The following CDC42BPA variants were observed in gnomAD, a reference collection of about 807,000 sequenced individuals.
CDC42BPA encodes the protein serine/threonine-protein kinase MRCK alpha.
In CDC42BPA, 80 loss-of-function variants were observed where a neutral mutation model predicts 223.5. The observed-to-expected ratio is 0.36, with a 90% CI of 0.30 to 0.43. CDC42BPA has a LOEUF of 0.43. CDC42BPA is among the 20% of genes least tolerant of loss of function. The pLI is 1.00. For missense variants in CDC42BPA, 1,743 were observed against 2,099.9 expected (o/e 0.83, Z 3.32); for synonymous variants, 694 against 718.6 (o/e 0.97, Z 0.55).
chr1:227,072,239 T>G lies in CDC42BPA; in HGVS notation c.2796A>C (p.Ile932=), dbSNP rs767196922. ...LELLSEIEQL[I]KDTEELRSEK... is the part of the protein sequence containing the mutation. ...CAGATCTAAGCTCTTCAGTGTCCTT[T>G]ATCAGCTGTTCGATTTCTGAGAGTA... The change falls in exon 20 of 37, where the codon ATA becomes ATC. Residue 932 remains isoleucine, a synonymous_variant. Transcript: ENST00000366766. 14 of 1,608,868 alleles carry G rather than the reference T, an allele frequency of 8.7e-6. No individual in the cohort carries two copies. In the African/African-American group the frequency reaches 1.7e-4, roughly 20 times the overall value.
intron 6 of CDC42BPA, among the ~76,000 whole-genome samples, chr1:227,148,777 A>AAG (rs1479993386): frequency 0.018 from 301 of 17,010 alleles, no homozygotes; most frequent in Non-Finnish European, 0.035. Context: ...AAAAGCAAAA[A>AAG]AAAAAAAAAA....
At chr1:227,265,461 A>G (rs1684828812) in intron 1 of CDC42BPA, among the ~76,000 whole-genome samples, 1 of 152,058 alleles carries the variant, frequency 6.6e-6, no homozygotes, top group Admixed American at 6.6e-5. Flanking sequence ...TAATCCCAGC[A>G]CTTTGGGAGG....
chr1:227,250,439 G>T (rs1681770175), intron 2 of CDC42BPA, among the ~76,000 whole-genome samples: 1 of 152,120 alleles, frequency 6.6e-6, no homozygotes, highest in Non-Finnish European at 1.5e-5. Context: ...AGTGAGCCAA[G>T]ATTGCACCAC....
At chr1:227,102,977 C>A (rs543226245) in intron 14 of CDC42BPA, among the ~76,000 whole-genome samples, 6 of 151,846 alleles carry the variant, frequency 4.0e-5, no homozygotes, top group East Asian at 1.9e-4. Context: ...ATAAAAAAAA[C>A]CAGTAATTCT....
At position 226,990,327 on chromosome 1, in the gene CDC42BPA, CAG is replaced by C. The variant is rs1660578018; in HGVS notation, c.*3939_*3940del. 6.6e-6 allele frequency: 1 copy of C among 152,238 alleles called. No individual in the cohort carries two copies. The highest frequency in any genetic ancestry group is 2.4e-5 in the African/African-American group (1 of 41,446). The allele number at this position is 152,238 out of a possible 1,614,324, so 9.4% of individuals were successfully genotyped here. ...CACGGTGTCCTGTGTGGGGAGGGCC[CAG>C]CGTGCTGCCAGTGCTGGGGGGCAGG... On this transcript the variant is annotated 3_prime_UTR_variant, in exon 37 of 37. Coordinates refer to ENST00000366766, the MANE Select transcript of CDC42BPA (RefSeq NM_001394014.1).
At chr1:227,229,044 T>G (rs1198368040) in intron 2 of CDC42BPA, among the ~76,000 whole-genome samples, 1 of 152,196 alleles carries the variant, frequency 6.6e-6, no homozygotes, top group African/African-American at 2.4e-5. Context: ...TATTTTTTGT[T>G]TTTTCTTTGA....
In CDC42BPA at chr1:227,317,511, TAAAAA is replaced by T. The variant is rs35451914; in HGVS notation, c.-334_-330del. 6.9e-4 allele frequency: 262 copies of T among 379,858 alleles called. No individual in the cohort carries two copies. Among genetic ancestry groups the T allele is most frequent in the African/African-American group, 1.9e-3 (86 of 45,548 alleles). The allele number at this position is 379,858 out of a possible 1,614,324, so 23.5% of individuals were successfully genotyped here. ...ACGAACTAGAGAGTCAACACTTCTT[TAAAAA>T]AAAAAAAAAAAACTCTTCTCCTTCA... is the stretch of plus-strand genomic sequence containing the variant. On this transcript the variant is annotated 5_prime_UTR_variant, in exon 1 of 37. It removes the in-frame stop codon of an upstream open reading frame in the 5' UTR. Coordinates refer to ENST00000366766, the MANE Select transcript of CDC42BPA (RefSeq NM_001394014.1).
At position 227,001,167 on chromosome 1, in the gene CDC42BPA, T is replaced by G. The variant is rs1338322629; in HGVS notation, c.4975+3827A>C. On this transcript the variant is annotated intron_variant, in intron 35 of 36. Coordinates refer to ENST00000366766, the MANE Select transcript of CDC42BPA (RefSeq NM_001394014.1). ...GTCTGGCTGTGGAAGATCCTGTGCT[T>G]CTTGCTGTAGAGACTGAACATAGTT... Among the ~76,000 whole-genome samples the G allele has an allele frequency of 3.3e-5, 5 of 152,316 alleles. No individual in the cohort carries two copies. The East Asian group carries it at 9.6e-4, about 29-fold the overall frequency.
At chr1:227,198,274 G>A (rs1671079751) in intron 4 of CDC42BPA, among the ~76,000 whole-genome samples, 1 of 151,576 alleles carries the variant, frequency 6.6e-6, no homozygotes, top group African/African-American at 2.4e-5. Context: ...AACAAACTGA[G>A]ACCCCATCTT....
chr1:227,240,638 T>C (rs1031734052), intron 2 of CDC42BPA, among the ~76,000 whole-genome samples: 2 of 150,208 alleles, frequency 1.3e-5, no homozygotes, highest in African/African-American at 4.9e-5. Flanking sequence ...AATGACTTAA[T>C]AAAGGGAAAA....
chr1:227,253,647 CATTCATACATAA>C lies in CDC42BPA; in HGVS notation c.270+405_270+416del, dbSNP rs1270349762. Among the ~76,000 whole-genome samples the C allele has an allele frequency of 5.8e-3, 659 of 114,128 alleles. 5 individuals are homozygous for C. Among genetic ancestry groups the C allele is most frequent in the African/African-American group, 0.023 (633 of 27,602 alleles). 74.9% of individuals were successfully genotyped at this position (114,128 alleles called of 152,430 possible). ...ACATACATACATACATACATACATACATTCATACATAAAATAAAATACTATGAAAATATCAGG... is the reference window on the plus strand; with the variant it reads ...ACATACATACATACATACATACATACAATAAAATACTATGAAAATATCAGG... On this transcript the variant is annotated intron_variant, in intron 2 of 36. Transcript: ENST00000366766.
Position 227,005,137 on chromosome 1 carries a change from C to T in CDC42BPA, c.4858-26G>A, listed in dbSNP as rs368521293. 7 of 1,492,188 alleles carry T rather than the reference C, an allele frequency of 4.7e-6. No homozygotes were observed. In the African/African-American group the frequency reaches 8.3e-5, roughly 18 times the overall value. 92.4% of individuals were successfully genotyped at this position (1,492,188 alleles called of 1,614,324 possible). Reference sequence around the variant, plus strand: ...CTATAAACAAAAGCGAGAGAGACATCCTTTAGCCAGAAAGAAACTGATTTT... The same window carrying T: ...CTATAAACAAAAGCGAGAGAGACATTCTTTAGCCAGAAAGAAACTGATTTT... On this transcript the variant is annotated intron_variant, in intron 34 of 36. Coordinates refer to ENST00000366766, the MANE Select transcript of CDC42BPA (RefSeq NM_001394014.1).
chr1:227,133,303 C>A (rs1164202800), intron 10 of CDC42BPA, among the ~76,000 whole-genome samples: 1 of 151,592 alleles, frequency 6.6e-6, no homozygotes, highest in Non-Finnish European at 1.5e-5. Context: ...GTGAGGAGCC[C>A]CTCTGCCCGG....
At chr1:227,083,182 T>A (rs998394002) in intron 16 of CDC42BPA, among the ~76,000 whole-genome samples, 1 of 152,180 alleles carries the variant, frequency 6.6e-6, no homozygotes, top group Non-Finnish European at 1.5e-5. Flanking sequence ...AAACCAATTA[T>A]TTGTATGTTA....
At chr1:227,162,706 C>T (rs1422667619) in intron 5 of CDC42BPA, among the ~76,000 whole-genome samples, 2 of 152,080 alleles carry the variant, frequency 1.3e-5, no homozygotes, top group Admixed American at 6.6e-5. Flanking sequence ...CAGGATGGCA[C>T]ATGCTTGCGA....
intron 16 of CDC42BPA, among the ~76,000 whole-genome samples, chr1:227,089,425 A>C (rs956950162): frequency 2.0e-5 from 3 of 152,196 alleles, no homozygotes; most frequent in African/African-American, 7.2e-5. Context: ...AGGAAGAGAG[A>C]GATGCAAAAA....
intron 10 of CDC42BPA, 64 bp downstream of exon 10, chr1:227,139,507 TTATAA>T: frequency 9.5e-7 from 1 of 1,049,462 alleles, no homozygotes; most frequent in Middle Eastern, 3.1e-4. Context: ...AAACAACCAC[TTATAA>T]TAAACAGCTC....
At chr1:227,315,621 C>T (rs1275660899) in intron 1 of CDC42BPA, among the ~76,000 whole-genome samples, 1 of 150,972 alleles carries the variant, frequency 6.6e-6, no homozygotes, top group Non-Finnish European at 1.5e-5. Context: ...ATTTGTGAAA[C>T]ATGGGATGTA....
At chr1:227,315,227 T>C (rs1052439301) in intron 1 of CDC42BPA, among the ~76,000 whole-genome samples, 2 of 136,648 alleles carry the variant, frequency 1.5e-5, no homozygotes, top group Admixed American at 1.5e-4. Context: ...ATTTGGCTTA[T>C]ATAAAAATAT....
Sources: gnomAD v4.1 joint callset for allele counts (sites outside exome capture counted in the v4.1 genomes callset) on GRCh38, gnomAD v4.1.1 for gene constraint, MANE v1.5 for transcripts, NCBI Gene and HGNC (gene_info 2026-07-23, HGNC 2026-07-21) for gene names.